Variants in CEACAM6 observed in about 807,000 individuals in gnomAD.
CEACAM6 encodes the protein CEA cell adhesion molecule 6, also known as cell adhesion molecule CEACAM6.
In CEACAM6, 21 loss-of-function variants were observed where a neutral mutation model predicts 32.4. That is an observed-to-expected ratio of 0.65 (90% confidence interval 0.46 to 0.93). The LOEUF is 0.93. Among genes scored for constraint, CEACAM6 ranks in the 40% least tolerant of loss-of-function variants. The probability of loss-of-function intolerance (pLI) is 0.00; values close to 1 mark genes in which losing one functional copy is unlikely to be tolerated. For missense variants in CEACAM6, 406 were observed against 432.2 expected, an observed-to-expected ratio of 0.94 and a Z score of 0.54; for synonymous variants, 184 against 174.4, an observed-to-expected ratio of 1.06 and a Z score of -0.43.
chr19:41,757,101 C>T (rs139138407), intron 2 of CEACAM6, 142 bp downstream of exon 2: 36 of 1,396,224 alleles, frequency 2.6e-5, no homozygotes, highest in Admixed American at 2.5e-4. Flanking sequence ...AGGACACACA[C>T]GGGGGAGACA....
intron 5 of CEACAM6, among the ~76,000 whole-genome samples, chr19:41,768,652 C>T (rs1260132889): frequency 4.0e-5 from 6 of 151,750 alleles, no homozygotes; most frequent in Non-Finnish European, 8.8e-5. Context: ...GGCAGAGGGG[C>T]TCCTCACTTC....
At chr19:41,761,947 G>A in intron 3 of CEACAM6, 22 bp from the exon 4 acceptor site, 1 of 1,613,032 alleles carries the variant, frequency 6.2e-7, no homozygotes, top group Non-Finnish European at 8.5e-7. Context: ...CATCACCTGT[G>A]GCTTTATTCT....
intron 4 of CEACAM6, among the ~76,000 whole-genome samples, chr19:41,765,023 T>C (rs1401502784): frequency 6.6e-6 from 1 of 152,224 alleles, no homozygotes; most frequent in African/African-American, 2.4e-5. Context: ...TAATGTAACA[T>C]TTGATTAAGC....
intron 4 of CEACAM6, among the ~76,000 whole-genome samples, chr19:41,765,800 G>A (rs1379420089): frequency 6.6e-6 from 1 of 152,206 alleles, no homozygotes; most frequent in Admixed American, 6.5e-5. Flanking sequence ...GAATGCACTA[G>A]CCTGGGCCTT....
At chr19:41,762,288 C>A (rs2072931003) in intron 4 of CEACAM6, 65 bp downstream of exon 4, 2 of 1,560,540 alleles carry the variant, frequency 1.3e-6, no homozygotes, top group Non-Finnish European at 1.7e-6. Context: ...AGAGAAGAGC[C>A]AGGAAGAAAT....
chr19:41,770,441 T>C (rs2072987300), intron 5 of CEACAM6, among the ~76,000 whole-genome samples: 2 of 151,828 alleles, frequency 1.3e-5, no homozygotes, highest in Non-Finnish European at 2.9e-5. Flanking sequence ...ATACTATTCA[T>C]GTGCATACAT....
At chr19:41,756,478 ACAC>A (rs2072885921) in intron 1 of CEACAM6, 119 bp from the exon 2 acceptor site, 30 of 1,445,602 alleles carry the variant, frequency 2.1e-5, no homozygotes, top group Non-Finnish European at 2.7e-5. Context: ...ACACACACAC[ACAC>A]ACACACACAC....
Position 41,761,382 on chromosome 19 carries a change from G to C in CEACAM6, c.558G>C (p.Pro186=). The C allele has an allele frequency of 6.2e-7, 1 of 1,614,146 alleles. No individual in the cohort carries two copies. Among genetic ancestry groups the C allele is most frequent in the Non-Finnish European group, 8.5e-7 (1 of 1,180,040 alleles). The change falls in exon 3 of 6, where the codon CCG becomes CCC. Residue 186 remains proline (P), a synonymous_variant. Coordinates refer to ENST00000199764, the MANE Select transcript of CEACAM6 (RefSeq NM_002483.7). ...GGTGGGTAAATGGTCAGAGCCTCCC[G>C]GTCAGTCCCAGGCTGCAGCTGTCCA... ...YLWWVNGQSL[P]VSPRLQLSNG...
chr19:41,757,488 G>T (rs1275923326), intron 2 of CEACAM6, among the ~76,000 whole-genome samples: 1 of 152,150 alleles, frequency 6.6e-6, no homozygotes, highest in African/African-American at 2.4e-5. Context: ...CCTGGAGTTG[G>T]TCACCAGCCA....
chr19:41,761,173 C>T (rs1161244146), intron 2 of CEACAM6, 76 bp from the exon 3 acceptor site: 2 of 1,605,448 alleles, frequency 1.2e-6, no homozygotes, highest in Non-Finnish European at 1.7e-6. Context: ...TGAGAGATGC[C>T]AACTCTGATT....
At chr19:41,768,887 C>A (rs1281470715) in intron 5 of CEACAM6, among the ~76,000 whole-genome samples, 1 of 152,244 alleles carries the variant, frequency 6.6e-6, no homozygotes, top group African/African-American at 2.4e-5. Context: ...CATTTTCAAT[C>A]TTTGTCATTC....
Position 41,762,154 on chromosome 19 carries a change from T to A in CEACAM6, c.889T>A (p.Tyr297Asn), listed in dbSNP as rs2072929461. Residue 297 changes from tyrosine to asparagine, a missense_variant, in exon 4 of 6, where the codon TAT becomes AAT. By Grantham distance (143) the Tyr-to-Asn change is moderately radical. Transcript: ENST00000199764. Reference protein sequence around the residue: ...PNITVNNSGSYMCQAHNSATG... With the variant: ...PNITVNNSGSNMCQAHNSATG... Reference sequence around the variant, plus strand: ...CATCACTGTGAATAATAGCGGATCCTATATGTGCCAAGCCCATAACTCAGC... The same window carrying A: ...CATCACTGTGAATAATAGCGGATCCAATATGTGCCAAGCCCATAACTCAGC... The A allele has an allele frequency of 1.2e-6, 2 of 1,614,078 alleles. No individual in the cohort carries two copies. Among genetic ancestry groups the A allele is most frequent in the Non-Finnish European group, 1.7e-6 (2 of 1,180,042 alleles).
At position 41,755,583 on chromosome 19, in the gene CEACAM6, A is replaced by G; in HGVS notation, c.-56A>G. The G allele has an allele frequency of 6.5e-7, 1 of 1,547,438 alleles. No individual in the cohort carries two copies. The highest frequency in any genetic ancestry group is 2.3e-5 in the East Asian group (1 of 44,192). ...CAGTCACAGCAGCCCTGACCAGAGCATTCCTGGAGCTCAAGCTCCTCTACA... is the reference window on the plus strand; with the variant it reads ...CAGTCACAGCAGCCCTGACCAGAGCGTTCCTGGAGCTCAAGCTCCTCTACA... On this transcript the variant is annotated 5_prime_UTR_variant, in exon 1 of 6. Coordinates refer to ENST00000199764, the MANE Select transcript of CEACAM6 (RefSeq NM_002483.7).
At chr19:41,763,730 G>A (rs1555822161) in intron 4 of CEACAM6, among the ~76,000 whole-genome samples, 2 of 152,172 alleles carry the variant, frequency 1.3e-5, no homozygotes, top group Admixed American at 6.5e-5. Flanking sequence ...CTGACTGAAC[G>A]ATGCCTGCAG....
Position 41,756,911 on chromosome 19 carries a change from A to G in CEACAM6, c.376A>G (p.Lys126Glu). 6.2e-7 allele frequency: 1 copy of G among 1,613,762 alleles called. No homozygotes were observed. Among genetic ancestry groups the G allele is most frequent in the Non-Finnish European group, 8.5e-7 (1 of 1,179,792 alleles). ...AGGATTCTATACCCTACAAGTCATA[A>G]AGTCAGATCTTGTGAATGAAGAAGC... ...DTGFYTLQVI[K>E]SDLVNEEATG... Residue 126 changes from lysine (K) to glutamate (E), a missense_variant, in exon 2 of 6, where the codon AAG becomes GAG. Coordinates refer to ENST00000199764, the MANE Select transcript of CEACAM6 (RefSeq NM_002483.7).
intron 4 of CEACAM6, among the ~76,000 whole-genome samples, chr19:41,765,394 T>G: frequency 6.6e-6 from 1 of 152,150 alleles, no homozygotes; most frequent in East Asian, 1.9e-4. Flanking sequence ...CACTAGGACA[T>G]GGTTACTGGC....
chr19:41,755,842 G>A (rs1466527447), intron 1 of CEACAM6, 140 bp downstream of exon 1: 4 of 596,314 alleles, frequency 6.7e-6, no homozygotes, highest in Middle Eastern at 3.1e-4. Flanking sequence ...GAGAGGGACA[G>A]GGGTCACAAC....
At position 41,755,555 on chromosome 19, in the gene CEACAM6, C is replaced by T. The variant is rs1600493401; in HGVS notation, c.-84C>T. 1 of 1,314,456 alleles carries T rather than the reference C, an allele frequency of 7.6e-7. No individual in the cohort carries two copies. Among genetic ancestry groups the T allele is most frequent in the East Asian group, 2.4e-5 (1 of 41,960 alleles). The allele number at this position is 1,314,456 out of a possible 1,614,324, so 81.4% of individuals were successfully genotyped here. On this transcript the variant is annotated 5_prime_UTR_variant, in exon 1 of 6. Coordinates refer to ENST00000199764, the MANE Select transcript of CEACAM6 (RefSeq NM_002483.7). The stretch of plus-strand genomic sequence containing the variant: ...ACAGAAGGAGGAAGGACAGCAGGGC[C>T]AACAGTCACAGCAGCCCTGACCAGA...
At chr19:41,758,687 T>C (rs1319470561) in intron 2 of CEACAM6, among the ~76,000 whole-genome samples, 2 of 152,058 alleles carry the variant, frequency 1.3e-5, no homozygotes, top group African/African-American at 4.8e-5. Context: ...CTGTCCCTCA[T>C]TTTCCTCCCC....
Sources: gnomAD v4.1 joint callset for allele counts (sites outside exome capture counted in the v4.1 genomes callset) on GRCh38, gnomAD v4.1.1 for gene constraint, MANE v1.5 for transcripts, NCBI Gene and HGNC (gene_info 2026-07-23, HGNC 2026-07-21) for gene names.